RNF144A: variants seen among roughly 807,000 people sequenced by gnomAD.
RNF144A encodes E3 ubiquitin-protein ligase RNF144A.
In RNF144A, 11 loss-of-function variants were observed where a neutral mutation model predicts 38.7. That is an observed-to-expected ratio of 0.28 (90% CI 0.18 to 0.47). The LOEUF (loss-of-function observed/expected upper bound fraction) is 0.47. Ranked by LOEUF, RNF144A falls within the 20% of genes least tolerant of loss-of-function variation. The probability of loss-of-function intolerance (pLI) is 0.99; values close to 1 mark genes in which losing one functional copy is unlikely to be tolerated. For synonymous variants in RNF144A, 149 were observed against 143.9 expected, an observed-to-expected ratio of 1.04 and a Z score of -0.25; for missense variants, 316 against 377.2, an observed-to-expected ratio of 0.84 and a Z score of 1.34.
chr2:6,928,791 T>C (rs1417145540), intron 1 of RNF144A, among the ~76,000 whole-genome samples: 1 of 152,216 alleles, frequency 6.6e-6, no homozygotes, highest in African/African-American at 2.4e-5. Flanking sequence ...GGTCGAGGGC[T>C]TCCCTGTGAA....
At chr2:6,992,391 C>A (rs1016031612) in intron 2 of RNF144A, among the ~76,000 whole-genome samples, 1 of 152,210 alleles carries the variant, frequency 6.6e-6, no homozygotes, top group Non-Finnish European at 1.5e-5. Flanking sequence ...GTGGACCACA[C>A]ACAGCAGAGA....
At chr2:7,057,398 T>A (rs1673782308) in intron 6 of RNF144A, among the ~76,000 whole-genome samples, 2 of 152,144 alleles carry the variant, frequency 1.3e-5, no homozygotes, top group South Asian at 4.1e-4. Flanking sequence ...GACTTTCTAA[T>A]CTGGAGGAAA....
At chr2:6,939,771 A>G (rs1028565779) in intron 1 of RNF144A, among the ~76,000 whole-genome samples, 2 of 151,816 alleles carry the variant, frequency 1.3e-5, no homozygotes, top group African/African-American at 4.8e-5. Flanking sequence ...CTGTGTTTAG[A>G]TTCAGTTTTT....
Position 7,041,411 on chromosome 2 carries a change from G to C in RNF144A, c.*1651G>C. The C allele has an allele frequency of 1.0e-6, 1 of 985,824 alleles. No homozygotes were observed. Among genetic ancestry groups the C allele is most frequent in the Non-Finnish European group, 1.2e-6 (1 of 829,926 alleles). The allele number at this position is 985,824 out of a possible 1,614,324, so 61.1% of individuals were successfully genotyped here. On this transcript the variant is annotated 3_prime_UTR_variant, in exon 9 of 9. Coordinates refer to ENST00000320892, the MANE Select transcript of RNF144A (RefSeq NM_014746.6). ...TGTTGATTTTCCTTATGAACCCGAA[G>C]CCATTTAGAAAATCCCTGTGTGTCA... is the stretch of plus-strand genomic sequence containing the variant.
At chr2:7,026,317 C>A (rs1308609320) in intron 7 of RNF144A, among the ~76,000 whole-genome samples, 1 of 152,174 alleles carries the variant, frequency 6.6e-6, no homozygotes, top group African/African-American at 2.4e-5. Flanking sequence ...TAAAATGTCA[C>A]CATCTTCTAT....
chr2:6,986,431 T>C (rs1338693899), intron 2 of RNF144A, among the ~76,000 whole-genome samples: 1 of 152,106 alleles, frequency 6.6e-6, no homozygotes, highest in East Asian at 1.9e-4. Flanking sequence ...GAGACAGCCA[T>C]TGTGCCGGGC....
At chr2:6,926,369 C>T (rs1401985372) in intron 1 of RNF144A, among the ~76,000 whole-genome samples, 1 of 152,204 alleles carries the variant, frequency 6.6e-6, no homozygotes, top group Non-Finnish European at 1.5e-5. Context: ...TGAGGGTCTG[C>T]CTGGGAGGTG....
downstream of RNF144A, among the ~76,000 whole-genome samples, chr2:7,047,489 AC>A (rs967152658): frequency 5.9e-5 from 9 of 152,250 alleles, no homozygotes; most frequent in African/African-American, 2.2e-4. Flanking sequence ...GCCCTGATAA[AC>A]CCATCACATC....
At chr2:6,977,621 A>G (rs954255251) in intron 2 of RNF144A, among the ~76,000 whole-genome samples, 2 of 152,272 alleles carry the variant, frequency 1.3e-5, no homozygotes, top group Non-Finnish European at 2.9e-5. Context: ...GTGCAGGAGA[A>G]GCGGTAAACC....
rs574699288 is a variant in RNF144A at position 6,943,056 on chromosome 2, G to C, written c.-12+1909G>C. 5.9e-5 allele frequency among the ~76,000 whole-genome samples: 9 copies of C among 152,300 alleles called. No individual in the cohort carries two copies. Among genetic ancestry groups the C allele is most frequent in the African/African-American group, 2.2e-4 (9 of 41,556 alleles). On this transcript the variant is annotated intron_variant, in intron 2 of 8. Coordinates refer to ENST00000320892, the MANE Select transcript of RNF144A (RefSeq NM_014746.6). The surrounding 1 kb of genome is among the most constrained non-coding windows in gnomAD (Gnocchi z 4.3). ...GAGAAGATTATAAGCCACCCACATG[G>C]AGACACCGAGTGGGTGGTCCTATCC...
At chr2:6,934,138 G>T (rs1471246478) in intron 1 of RNF144A, among the ~76,000 whole-genome samples, 2 of 152,146 alleles carry the variant, frequency 1.3e-5, no homozygotes, top group Non-Finnish European at 2.9e-5. Context: ...ATGGATGAAA[G>T]TTCCTCTTTC....
chr2:7,010,042 G>T (rs532967986), intron 3 of RNF144A, among the ~76,000 whole-genome samples: 1 of 152,344 alleles, frequency 6.6e-6, no homozygotes, highest in African/African-American at 2.4e-5. Context: ...AATAGTTCTT[G>T]TTTTCAAAGA....
intron 2 of RNF144A, among the ~76,000 whole-genome samples, chr2:6,982,382 C>T (rs1329568334): frequency 1.3e-5 from 2 of 152,210 alleles, no homozygotes; most frequent in East Asian, 3.9e-4. Flanking sequence ...TTACTTGGCT[C>T]CATGGTTGTG....
At chr2:6,959,149 G>A (rs1667182324) in intron 2 of RNF144A, among the ~76,000 whole-genome samples, 1 of 152,172 alleles carries the variant, frequency 6.6e-6, no homozygotes, top group Admixed American at 6.5e-5. Flanking sequence ...CTGGGGGTGA[G>A]GCTGGTGATC....
chr2:7,012,076 G>A (rs909233239), intron 3 of RNF144A, among the ~76,000 whole-genome samples: 2 of 152,096 alleles, frequency 1.3e-5, no homozygotes, highest in Non-Finnish European at 2.9e-5. Context: ...ATACTGATCC[G>A]CACAATATCC....
chr2:6,992,867 T>G (rs954884614), intron 2 of RNF144A, among the ~76,000 whole-genome samples: 2 of 152,264 alleles, frequency 1.3e-5, no homozygotes, highest in Admixed American at 1.3e-4. Flanking sequence ...GTCTCAGTCA[T>G]GCTTAATAAG....
intron 6 of RNF144A, among the ~76,000 whole-genome samples, chr2:7,057,999 A>G (rs753067049): frequency 3.3e-5 from 5 of 152,234 alleles, no homozygotes; most frequent in Non-Finnish European, 7.3e-5. Flanking sequence ...GTTAATGAAT[A>G]TAGCACTTCT....
In RNF144A at chr2:6,917,464, C is replaced by T. The variant is rs1203962332; in HGVS notation, c.-370C>T. Reference sequence around the variant, plus strand: ...GCAGCCGCTTCTCCCCGCGCGGGCTCTCGGCAGGCGGGAGGCGGCAGGGCT... The same window carrying T: ...GCAGCCGCTTCTCCCCGCGCGGGCTTTCGGCAGGCGGGAGGCGGCAGGGCT... On this transcript the variant is annotated 5_prime_UTR_variant, in exon 1 of 9. Coordinates refer to ENST00000320892, the MANE Select transcript of RNF144A (RefSeq NM_014746.6). The surrounding 1 kb of genome is among the most constrained non-coding windows in gnomAD (Gnocchi z 4.8). 1 of 147,056 alleles carries T rather than the reference C, an allele frequency of 6.8e-6. No individual in the cohort carries two copies. The highest frequency in any genetic ancestry group is 1.5e-5 in the Non-Finnish European group (1 of 66,116). 9.1% of individuals were successfully genotyped at this position (147,056 alleles called of 1,614,324 possible). A position where few individuals can be genotyped will look rare whatever the true frequency, so the allele number is the denominator to read the frequency against.
chr2:7,049,365 T>C (rs1008315905), intron 6 of RNF144A, among the ~76,000 whole-genome samples: 3 of 152,226 alleles, frequency 2.0e-5, no homozygotes, highest in East Asian at 1.9e-4. Context: ...AAATTGGCTG[T>C]ATATAAATTA....
Sources: allele counts gnomAD v4.1 joint callset (sites outside exome capture counted in the v4.1 genomes callset), GRCh38; gene constraint gnomAD v4.1.1; non-coding constraint Gnocchi (gnomAD v3.1); transcripts MANE v1.5; gene names NCBI Gene and HGNC (gene_info 2026-07-23, HGNC 2026-07-21).